Variants in ADRA1A observed in about 807,000 individuals in gnomAD.
The protein encoded by ADRA1A is alpha-1A adrenergic receptor.
A neutral mutation model predicts 29.6 loss-of-function variants in ADRA1A; 31 were observed. The observed-to-expected ratio is 1.05, with a 90% CI of 0.79 to 1.41. The LOEUF (loss-of-function observed/expected upper bound fraction) is 1.41. Among genes scored for constraint, ADRA1A ranks in the 40% most tolerant of loss-of-function variants. The pLI is 0.00. For synonymous variants in ADRA1A, 311 were observed against 254.3 expected (o/e 1.22, Z -2.12); for missense variants, 619 against 601.1 (o/e 1.03, Z -0.31).
chr8:26,834,787 G>C (rs1241002812), intron 2 of ADRA1A, among the ~76,000 whole-genome samples: 3 of 152,168 alleles, frequency 2.0e-5, no homozygotes, highest in Non-Finnish European at 4.4e-5. Context: ...GCAGAGAACT[G>C]ACCCATCCAG....
At chr8:26,833,471 C>T (rs1308930618) in intron 2 of ADRA1A, among the ~76,000 whole-genome samples, 3 of 152,118 alleles carry the variant, frequency 2.0e-5, no homozygotes, top group African/African-American at 4.8e-5. Flanking sequence ...AGAAGGACAC[C>T]CAGCTATCTC....
Position 26,822,743 on chromosome 8 carries a change from C to T in ADRA1A, c.883+41344G>A, listed in dbSNP as rs1285705608. The stretch of plus-strand genomic sequence containing the variant: ...TTATAAAGAAAAGAAGTTTAACTGG[C>T]TCATGGTTCTGCAGGCCATGCAGGA... On this transcript the variant is annotated intron_variant, in intron 2 of 2. Coordinates refer to ENST00000380573, the MANE Select transcript of ADRA1A (RefSeq NM_000680.4). Among the ~76,000 whole-genome samples the T allele has an allele frequency of 2.6e-4, 39 of 152,192 alleles. 1 individual carries two copies. The highest frequency in any genetic ancestry group is 2.6e-3 in the Admixed American group (39 of 15,278).
chr8:26,859,850 C>T (rs987882058), intron 2 of ADRA1A, among the ~76,000 whole-genome samples: 2 of 151,854 alleles, frequency 1.3e-5, no homozygotes, highest in Non-Finnish European at 2.9e-5. Flanking sequence ...TCACTGCAAC[C>T]TCTGTCTCCC....
downstream of ADRA1A, among the ~76,000 whole-genome samples, chr8:26,755,835 G>A (rs1322758565): frequency 6.6e-6 from 1 of 152,190 alleles, no homozygotes; most frequent in African/African-American, 2.4e-5. Flanking sequence ...AAAGAAATGA[G>A]AGAGCAGAGA....
Position 26,821,921 on chromosome 8 carries a change from A to C in ADRA1A, c.883+42166T>G, listed in dbSNP as rs1810199911. Among the ~76,000 whole-genome samples, 1 of 152,242 alleles carries C rather than the reference A, an allele frequency of 6.6e-6. No individual in the cohort carries two copies. ...TGGTACTTCATCTAGAGAATGTTGC[A>C]CATATCAATAGCTTGCTATTTTTTA... On this transcript the variant is annotated intron_variant, in intron 2 of 2. Transcript: ENST00000380573. The surrounding 1 kb of genome is among the most constrained non-coding windows in gnomAD (Gnocchi z 5.6).
chr8:26,770,147 T>C lies in ADRA1A; in HGVS notation c.*2A>G. The stretch of plus-strand genomic sequence containing the variant: ...TCCCCTTTCCTCTGCATCTTTCCTG[T>C]CCTAGACTTCCTCCCCGTTCTCACT... On this transcript the variant is annotated 3_prime_UTR_variant, in exon 3 of 3. Transcript: ENST00000380573. 3 of 1,544,744 alleles carry C rather than the reference T, an allele frequency of 1.9e-6. No homozygotes were observed. Among genetic ancestry groups the C allele is most frequent in the South Asian group, 2.6e-5 (2 of 78,416 alleles).
intron 2 of ADRA1A, among the ~76,000 whole-genome samples, chr8:26,824,003 T>C (rs62492236): frequency 0.063 from 9,604 of 152,200 alleles, 656 homozygotes; most frequent in East Asian, 0.31. Context: ...ATAGAGCTGC[T>C]TCTTTCTCCT....
intron 2 of ADRA1A, among the ~76,000 whole-genome samples, chr8:26,837,772 A>C (rs566682150): frequency 6.6e-6 from 1 of 152,222 alleles, no homozygotes; most frequent in Non-Finnish European, 1.5e-5. Flanking sequence ...AGAATTTTGC[A>C]AGGGCTATTC....
chr8:26,809,678 A>G (rs1404871426), intron 2 of ADRA1A, among the ~76,000 whole-genome samples: 1 of 152,182 alleles, frequency 6.6e-6, no homozygotes, highest in Admixed American at 6.5e-5. Flanking sequence ...CATGTATTAA[A>G]CTCCTACCTC....
chr8:26,824,958 C>T (rs996660661), intron 2 of ADRA1A, among the ~76,000 whole-genome samples: 1 of 152,212 alleles, frequency 6.6e-6, no homozygotes, highest in African/African-American at 2.4e-5. Context: ...AAGGCAGCTT[C>T]CTTCTCTGAT....
intron 2 of ADRA1A, chr8:26,779,470 C>A (rs1047616156): frequency 8.7e-6 from 6 of 687,918 alleles, no homozygotes; most frequent in African/African-American, 7.1e-5. Flanking sequence ...TGATGCTACC[C>A]CTTCCTATCT....
chr8:26,833,194 T>G (rs1187210926), intron 2 of ADRA1A, among the ~76,000 whole-genome samples: 2 of 152,064 alleles, frequency 1.3e-5, no homozygotes, highest in Non-Finnish European at 2.9e-5. Flanking sequence ...TGGACCCCAT[T>G]CCAGTGGGAA....
At chr8:26,799,508 C>A (rs1808421222) in intron 2 of ADRA1A, among the ~76,000 whole-genome samples, 1 of 152,202 alleles carries the variant, frequency 6.6e-6, no homozygotes, top group Admixed American at 6.5e-5. Flanking sequence ...ATACCCAGTG[C>A]CAGCACAGGG....
intron 2 of ADRA1A, among the ~76,000 whole-genome samples, chr8:26,791,157 G>A (rs1179557411): frequency 6.6e-6 from 1 of 152,040 alleles, no homozygotes; most frequent in African/African-American, 2.4e-5. Flanking sequence ...TTTTATTATA[G>A]AACACAATTT....
chr8:26,775,627 TC>T lies in ADRA1A; in HGVS notation c.884-4962del, dbSNP rs1182461564. ...ACACCTTGCCCTGCAGCTCAAGCCA[TC>T]CTTTGCATGTGAATTTGCCTGGTTT... On this transcript the variant is annotated intron_variant, in intron 2 of 2. Transcript: ENST00000380573. This position sits in a 1 kb window ranked among gnomAD's most constrained non-coding sequence, Gnocchi z 4.1. Among the ~76,000 whole-genome samples, 3 of 152,336 alleles carry T rather than the reference TC, an allele frequency of 2.0e-5. No individual in the cohort carries two copies. Among genetic ancestry groups the T allele is most frequent in the African/African-American group, 7.2e-5 (3 of 41,594 alleles).
chr8:26,805,749 A>G lies in ADRA1A; in HGVS notation c.884-35083T>C, dbSNP rs927001139. On this transcript the variant is annotated intron_variant, in intron 2 of 2. Transcript: ENST00000380573. The surrounding 1 kb of genome is among the most constrained non-coding windows in gnomAD (Gnocchi z 4.8). Reference sequence around the variant, plus strand: ...TTTTTGTGTTGCTTCTACCTGGTACAAGAATCTTGATGAGCCAAGAGTTAC... The same window carrying G: ...TTTTTGTGTTGCTTCTACCTGGTACGAGAATCTTGATGAGCCAAGAGTTAC... Among the ~76,000 whole-genome samples the G allele has an allele frequency of 6.6e-6, 1 of 152,208 alleles. No homozygotes were observed. Among genetic ancestry groups the G allele is most frequent in the Non-Finnish European group, 1.5e-5 (1 of 68,046 alleles).
chr8:26,866,992 G>C lies in ADRA1A; in HGVS notation c.-743C>G, dbSNP rs1046181363. 1.1e-5 allele frequency: 11 copies of C among 984,826 alleles called. No individual in the cohort carries two copies. The highest frequency in any genetic ancestry group is 1.2e-5 in the Non-Finnish European group (10 of 829,880). 61.0% of individuals were successfully genotyped at this position (984,826 alleles called of 1,614,324 possible). A position where few individuals can be genotyped will look rare whatever the true frequency, so the allele number is the denominator to read the frequency against. On this transcript the variant is annotated 5_prime_UTR_variant, in exon 1 of 3. Transcript: ENST00000380573. This position sits in a 1 kb window ranked among gnomAD's most constrained non-coding sequence, Gnocchi z 5.7. ...GCGCGGGGGATGTGGACCCGGCTTC[G>C]GTCCCGGGAGCTGCCTGCCTGCTCT... is the stretch of plus-strand genomic sequence containing the variant.
intron 2 of ADRA1A, among the ~76,000 whole-genome samples, chr8:26,785,414 C>T (rs368470030): frequency 6.6e-5 from 10 of 152,118 alleles, no homozygotes; most frequent in Admixed American, 5.2e-4. Flanking sequence ...ACTACAAATA[C>T]GCAAGGATGT....
intron 2 of ADRA1A, among the ~76,000 whole-genome samples, chr8:26,804,273 C>A (rs1431294729): frequency 6.6e-6 from 1 of 152,014 alleles, no homozygotes; most frequent in Non-Finnish European, 1.5e-5. Context: ...AATGCTTACC[C>A]AGGAGACATG....
Sources: allele counts gnomAD v4.1 joint callset (sites outside exome capture counted in the v4.1 genomes callset), GRCh38; gene constraint gnomAD v4.1.1; non-coding constraint Gnocchi (gnomAD v3.1); transcripts MANE v1.5; gene names NCBI Gene and HGNC (gene_info 2026-07-23, HGNC 2026-07-21).